ENOX1: variants seen among roughly 807,000 people sequenced by gnomAD.
ENOX1 encodes candidate growth-related and time keeping constitutive hydroquinone (NADH) oxidase.
In ENOX1, 42 loss-of-function variants were observed where a neutral mutation model predicts 82.5. That is an observed-to-expected ratio of 0.51 (90% CI 0.40 to 0.66). The LOEUF (loss-of-function observed/expected upper bound fraction) is 0.66. ENOX1 is among the 30% of genes least tolerant of loss of function. The pLI, the probability that ENOX1 is intolerant of heterozygous loss-of-function variation, is 0.00. For missense variants in ENOX1, 608 were observed against 811.6 expected (o/e 0.75, Z 3.05); for synonymous variants, 271 against 282.2 (o/e 0.96, Z 0.40).
intron 5 of ENOX1, among the ~76,000 whole-genome samples, chr13:43,376,189 T>C (rs1277314430): frequency 2.0e-5 from 3 of 152,222 alleles, no homozygotes; most frequent in Non-Finnish European, 4.4e-5. Context: ...TCAAAAGAAT[T>C]TGAAAAGCAT....
chr13:43,699,166 A>C (rs2086787659), intron 1 of ENOX1, among the ~76,000 whole-genome samples: 1 of 152,190 alleles, frequency 6.6e-6, no homozygotes, highest in South Asian at 2.1e-4. Context: ...AGTATCATGG[A>C]AAAGTGCAGT....
chr13:43,773,618 C>A (rs1358000701), intron 1 of ENOX1, among the ~76,000 whole-genome samples: 2 of 152,208 alleles, frequency 1.3e-5, no homozygotes, highest in Non-Finnish European at 2.9e-5. Context: ...CCCCAACCAC[C>A]CTTCAGGTAT....
intron 14 of ENOX1, among the ~76,000 whole-genome samples, chr13:43,242,348 G>A (rs1036624896): frequency 3.9e-5 from 6 of 152,214 alleles, no homozygotes; most frequent in Non-Finnish European, 8.8e-5. Flanking sequence ...TAAAGAAGAG[G>A]CTACTCTCTT....
At chr13:43,492,361 G>C (rs1389046542) in intron 2 of ENOX1, among the ~76,000 whole-genome samples, 1 of 152,134 alleles carries the variant, frequency 6.6e-6, no homozygotes, top group African/African-American at 2.4e-5. Flanking sequence ...CCCAGCTAAG[G>C]CATGCTCAGA....
intron 15 of ENOX1, among the ~76,000 whole-genome samples, chr13:43,234,632 CCTGA>C (rs762395208): frequency 7.2e-5 from 11 of 152,116 alleles, no homozygotes; most frequent in Non-Finnish European, 1.2e-4. Flanking sequence ...TATTGGAGAT[CCTGA>C]CTAATATTTT....
intron 1 of ENOX1, among the ~76,000 whole-genome samples, chr13:43,708,648 TAC>T (rs1480021920): frequency 1.3e-5 from 2 of 152,166 alleles, no homozygotes; most frequent in Non-Finnish European, 2.9e-5. Flanking sequence ...GGTAATTCAA[TAC>T]AGACAGAAAG....
At chr13:43,419,264 T>C (rs1032526200) in intron 3 of ENOX1, among the ~76,000 whole-genome samples, 7 of 152,168 alleles carry the variant, frequency 4.6e-5, no homozygotes, top group African/African-American at 1.7e-4. Context: ...GGCTCATATC[T>C]ACAACCCCAG....
intron 1 of ENOX1, among the ~76,000 whole-genome samples, chr13:43,741,912 G>C (rs927974330): frequency 6.6e-6 from 1 of 152,062 alleles, no homozygotes; most frequent in Non-Finnish European, 1.5e-5. Context: ...ATTAATTTTT[G>C]CATATGGTAT....
At chr13:43,742,609 C>A (rs1228197417) in intron 1 of ENOX1, among the ~76,000 whole-genome samples, 3 of 152,150 alleles carry the variant, frequency 2.0e-5, no homozygotes, top group African/African-American at 7.2e-5. Context: ...CACAAACATA[C>A]CCAGAAACAA....
At chr13:43,632,277 TATATA>T (rs2083250027) in intron 2 of ENOX1, among the ~76,000 whole-genome samples, 1 of 152,106 alleles carries the variant, frequency 6.6e-6, no homozygotes, top group Non-Finnish European at 1.5e-5. Context: ...TTTAGTACAT[TATATA>T]ATGTTGTCTA....
In ENOX1 at chr13:43,651,993, A is replaced by C. The variant is rs921951154; in HGVS notation, c.-219+15486T>G. Among the ~76,000 whole-genome samples the C allele has an allele frequency of 4.3e-4, 61 of 143,296 alleles. 2 individuals are homozygous for C. Among genetic ancestry groups the C allele is most frequent in the Admixed American group, 2.1e-4 (3 of 14,124 alleles). The allele number at this position is 143,296 out of a possible 152,430, so 94.0% of individuals were successfully genotyped here. A position where few individuals can be genotyped will look rare whatever the true frequency, so the allele number is the denominator to read the frequency against. ...CTCAAAAAAAAAAAAAAAAAAAAAA[A>C]ACTTCACTTTGAATCTTTTTGATTG... On this transcript the variant is annotated intron_variant, in intron 2 of 16. Transcript: ENST00000690772.
intron 5 of ENOX1, among the ~76,000 whole-genome samples, chr13:43,374,541 A>T (rs1009846767): frequency 2.0e-5 from 3 of 152,208 alleles, no homozygotes; most frequent in Non-Finnish European, 4.4e-5. Context: ...CACTGTGCCC[A>T]GAAAGGATTT....
intron 2 of ENOX1, among the ~76,000 whole-genome samples, chr13:43,599,606 C>T (rs1425394914): frequency 1.3e-5 from 2 of 152,072 alleles, no homozygotes; most frequent in East Asian, 3.9e-4. Context: ...GCTAAAAGGA[C>T]TACAATTCCT....
intron 2 of ENOX1, among the ~76,000 whole-genome samples, chr13:43,580,987 A>G (rs546378050): frequency 6.6e-6 from 1 of 152,286 alleles, no homozygotes; most frequent in South Asian, 2.1e-4. Flanking sequence ...GTGTTGAAAT[A>G]TGATAGATGA....
chr13:43,430,690 C>T (rs916117420), intron 3 of ENOX1, among the ~76,000 whole-genome samples: 6 of 152,070 alleles, frequency 3.9e-5, no homozygotes, highest in Non-Finnish European at 4.4e-5. Context: ...GGAGTGCAAG[C>T]GAATTTTACT....
chr13:43,565,994 G>C (rs2079901552), intron 2 of ENOX1, among the ~76,000 whole-genome samples: 1 of 152,074 alleles, frequency 6.6e-6, no homozygotes, highest in South Asian at 2.1e-4. Context: ...TTAAATTCTT[G>C]ATCCTCGTAA....
At chr13:43,671,582 T>C (rs1172661462) in intron 1 of ENOX1, among the ~76,000 whole-genome samples, 1 of 152,190 alleles carries the variant, frequency 6.6e-6, no homozygotes, top group East Asian at 1.9e-4. Context: ...ACCATTACAT[T>C]TCTTCAAAGG....
chr13:43,642,232 A>T (rs1352993433), intron 2 of ENOX1, among the ~76,000 whole-genome samples: 1 of 152,142 alleles, frequency 6.6e-6, no homozygotes, highest in Non-Finnish European at 1.5e-5. Context: ...ACACATACAC[A>T]TATGAACACC....
In ENOX1 at chr13:43,389,609, T is replaced by C. The variant is rs138047136; in HGVS notation, c.208+22307A>G. On this transcript the variant is annotated intron_variant, in intron 5 of 16. Transcript: ENST00000690772. The stretch of plus-strand genomic sequence containing the variant: ...TAAAAATGACATTATCCACAATACA[T>C]ATGATCTTTGAAAGAAAAGGAAGAA... Among the ~76,000 whole-genome samples, 180 of 152,262 alleles carry C rather than the reference T, an allele frequency of 1.2e-3. 5 individuals are homozygous for C. In the East Asian group the frequency reaches 0.028, roughly 23 times the overall value.
Sources: gnomAD v4.1 joint callset for allele counts (sites outside exome capture counted in the v4.1 genomes callset) on GRCh38, gnomAD v4.1.1 for gene constraint, MANE v1.5 for transcripts, NCBI Gene and HGNC (gene_info 2026-07-23, HGNC 2026-07-21) for gene names.